The following THSD7A variants were observed in gnomAD, a reference collection of about 807,000 sequenced individuals.
The protein encoded by THSD7A is thrombospondin type 1 domain containing 7A.
Under a neutral mutation model 231.3 loss-of-function variants are expected in THSD7A, and 96 were observed. That is an observed-to-expected ratio of 0.41 (90% CI 0.35 to 0.49). The LOEUF is 0.49. Ranked by LOEUF, THSD7A falls within the 20% of genes least tolerant of loss-of-function variation. THSD7A has a pLI of 0.05. For missense variants in THSD7A, 2,290 were observed against 2,070.2 expected, an observed-to-expected ratio of 1.11 and a Z score of -2.06; for synonymous variants, 940 against 743.3, an observed-to-expected ratio of 1.26 and a Z score of -4.30.
At chr7:11,674,359 C>T (rs1363595121) in intron 1 of THSD7A, among the ~76,000 whole-genome samples, 2 of 152,142 alleles carry the variant, frequency 1.3e-5, no homozygotes, top group Non-Finnish European at 2.9e-5. Context: ...GTTCTCCAGA[C>T]ACTCCACCCT....
intron 24 of THSD7A, among the ~76,000 whole-genome samples, chr7:11,380,076 C>G (rs918881831): frequency 6.6e-6 from 1 of 152,172 alleles, no homozygotes; most frequent in Non-Finnish European, 1.5e-5. Flanking sequence ...AGTTAAAATT[C>G]TTTCTTGGAG....
At chr7:11,710,763 C>T (rs1054918918) in intron 1 of THSD7A, among the ~76,000 whole-genome samples, 41 of 150,840 alleles carry the variant, frequency 2.7e-4, no homozygotes, top group African/African-American at 9.7e-4. Context: ...TTACATGCCC[C>T]TATTTACAGA....
intron 6 of THSD7A, among the ~76,000 whole-genome samples, chr7:11,537,384 T>C (rs900416191): frequency 9.2e-5 from 14 of 152,314 alleles, no homozygotes; most frequent in Admixed American, 5.2e-4. Context: ...TGGGACGTGA[T>C]TGGATCACAG....
In THSD7A at chr7:11,634,932, C is replaced by G. The variant is rs2128359510; in HGVS notation, c.1022+1198G>C. 6.7e-6 allele frequency among the ~76,000 whole-genome samples: 1 copy of G among 150,220 alleles called. No individual in the cohort carries two copies. On this transcript the variant is annotated intron_variant, in intron 2 of 27. Transcript: ENST00000423059. This position sits in a 1 kb window ranked among gnomAD's most constrained non-coding sequence, Gnocchi z 4.1. ...ATCTATGCATAGCAAAATCAGTAGACAAGAATAGATTGAAAAAAAAATCAG... is the reference window on the plus strand; with the variant it reads ...ATCTATGCATAGCAAAATCAGTAGAGAAGAATAGATTGAAAAAAAAATCAG...
At chr7:11,669,867 T>C (rs1783304921) in intron 1 of THSD7A, among the ~76,000 whole-genome samples, 1 of 152,080 alleles carries the variant, frequency 6.6e-6, no homozygotes, top group Non-Finnish European at 1.5e-5. Context: ...TGGAGTTTCA[T>C]CTTGGACTTC....
chr7:11,820,619 T>C (rs186521913), intron 1 of THSD7A: 523 of 743,792 alleles, frequency 7.0e-4, no homozygotes, highest in Non-Finnish European at 5.3e-4. Context: ...TGGCTTGAAA[T>C]TGAAAGTTTC....
At chr7:11,644,952 T>C (rs1209311568) in intron 1 of THSD7A, among the ~76,000 whole-genome samples, 1 of 151,944 alleles carries the variant, frequency 6.6e-6, no homozygotes, top group Non-Finnish European at 1.5e-5. Context: ...AGTCTTCATG[T>C]ATCAGTGACA....
At chr7:11,423,068 C>G (rs1784203408) in intron 16 of THSD7A, among the ~76,000 whole-genome samples, 1 of 152,090 alleles carries the variant, frequency 6.6e-6, no homozygotes, top group South Asian at 2.1e-4. Flanking sequence ...ATCTCTTTTT[C>G]TGTGTCCCTA....
At chr7:11,412,880 G>A in intron 17 of THSD7A, 80 bp from the exon 18 acceptor site, 1 of 1,501,042 alleles carries the variant, frequency 6.7e-7, no homozygotes, top group East Asian at 2.4e-5. Context: ...CACTGGAGCA[G>A]GAGTTAGAAC....
At chr7:11,596,495 A>AC (rs1383119466) in intron 2 of THSD7A, among the ~76,000 whole-genome samples, 1 of 152,112 alleles carries the variant, frequency 6.6e-6, no homozygotes, top group Admixed American at 6.5e-5. Flanking sequence ...AGCGGACAGA[A>AC]CCCCCACATT....
chr7:11,811,596 G>C (rs139221406), intron 1 of THSD7A, among the ~76,000 whole-genome samples: 1 of 152,240 alleles, frequency 6.6e-6, no homozygotes, highest in East Asian at 1.9e-4. Flanking sequence ...CATTTTTAAA[G>C]TACACGAGAC....
chr7:11,504,638 T>C (rs2128311336), intron 6 of THSD7A, among the ~76,000 whole-genome samples: 1 of 152,306 alleles, frequency 6.6e-6, no homozygotes, highest in East Asian at 1.9e-4. Context: ...GATAATAATC[T>C]ACATATATTG....
intron 1 of THSD7A, among the ~76,000 whole-genome samples, chr7:11,682,180 A>G (rs62433363): frequency 0.1 from 15,278 of 152,142 alleles, 819 homozygotes; most frequent in African/African-American, 0.14. Flanking sequence ...CACAGATCCT[A>G]TAAAGAAATT....
intron 1 of THSD7A, among the ~76,000 whole-genome samples, chr7:11,721,504 T>C (rs1325299784): frequency 1.3e-5 from 2 of 151,788 alleles, no homozygotes; most frequent in Non-Finnish European, 2.9e-5. Flanking sequence ...CCATGTTTCC[T>C]ATACAGCCTA....
chr7:11,560,003 TA>T (rs1790011853), intron 4 of THSD7A, among the ~76,000 whole-genome samples: 1 of 152,196 alleles, frequency 6.6e-6, no homozygotes, highest in African/African-American at 2.4e-5. Context: ...GTATTGTTTA[TA>T]ATAGCAAGTA....
intron 6 of THSD7A, among the ~76,000 whole-genome samples, chr7:11,492,197 G>T (rs1365202246): frequency 6.6e-6 from 1 of 151,952 alleles, no homozygotes; most frequent in African/African-American, 2.4e-5. Context: ...AGACCCCATG[G>T]ACTGGAAGAG....
chr7:11,736,149 TA>T (rs1010183257), intron 1 of THSD7A, among the ~76,000 whole-genome samples: 16 of 151,956 alleles, frequency 1.1e-4, no homozygotes, highest in Non-Finnish European at 1.9e-4. Context: ...AATATTTTTC[TA>T]AAGATGCATA....
chr7:11,502,680 C>G (rs1787386107), intron 6 of THSD7A, among the ~76,000 whole-genome samples: 1 of 152,040 alleles, frequency 6.6e-6, no homozygotes, highest in South Asian at 2.1e-4. Context: ...AACTGAGAAC[C>G]AAATCAGAAA....
chr7:11,750,646 A>C (rs1433760072), intron 1 of THSD7A, among the ~76,000 whole-genome samples: 1 of 152,002 alleles, frequency 6.6e-6, no homozygotes. Flanking sequence ...GGTTGTCTGC[A>C]CGGGGACTAC....
Sources: allele counts gnomAD v4.1 joint callset (sites outside exome capture counted in the v4.1 genomes callset), GRCh38; gene constraint gnomAD v4.1.1; non-coding constraint Gnocchi (gnomAD v3.1); transcripts MANE v1.5; gene names NCBI Gene and HGNC (gene_info 2026-07-23, HGNC 2026-07-21).